CR1L: variants seen among roughly 807,000 people sequenced by gnomAD.
The protein encoded by CR1L is complement component receptor 1-like protein.
In CR1L, 59 loss-of-function variants were observed where a neutral mutation model predicts 62.3. That is an observed-to-expected ratio of 0.95 (90% CI 0.77 to 1.18). The LOEUF (loss-of-function observed/expected upper bound fraction) is 1.18, where lower values mean the gene tolerates loss of function less well. Ranked by LOEUF, CR1L falls within the 50% of genes most tolerant of loss-of-function variation. CR1L has a pLI of 0.00. For synonymous variants in CR1L, 279 were observed against 248.7 expected (o/e 1.12, Z -1.15); for missense variants, 700 against 702.8 (o/e 1.00, Z 0.04).
chr1:207,678,427 G>T, intron 3 of CR1L, 130 bp downstream of exon 3: 1 of 754,224 alleles, frequency 1.3e-6, no homozygotes, highest in Non-Finnish European at 2.2e-6. Context: ...TTCAACACAG[G>T]TGCTTAGCTC....
At chr1:207,686,735 C>T (rs191436595) in intron 4 of CR1L, among the ~76,000 whole-genome samples, 13 of 152,190 alleles carry the variant, frequency 8.5e-5, no homozygotes, top group Non-Finnish European at 1.6e-4. Flanking sequence ...TTGTATATTA[C>T]GGTCTGAATG....
rs753581044 is a variant in CR1L at position 207,723,670 on chromosome 1, A to G, written c.1695A>G (p.Glu565=). ...VGKFYEVFAE[E]FCHL Reference sequence around the variant, plus strand: ...AGTTTTATGAAGTGTTTGCTGAGGAATTCTGTCATCTTTAACAGTAAGTAC... The same window carrying G: ...AGTTTTATGAAGTGTTTGCTGAGGAGTTCTGTCATCTTTAACAGTAAGTAC... The change falls in exon 12 of 12, where the codon GAA becomes GAG. Residue 565 remains glutamate, a synonymous_variant. Transcript: ENST00000508064. 6.3e-7 allele frequency: 1 copy of G among 1,591,402 alleles called. No homozygotes were observed. The highest frequency in any genetic ancestry group is 8.6e-7 in the Non-Finnish European group (1 of 1,166,284).
At chr1:207,721,283 C>T (rs1654131714) in intron 11 of CR1L, among the ~76,000 whole-genome samples, 1 of 151,774 alleles carries the variant, frequency 6.6e-6, no homozygotes, top group Admixed American at 6.6e-5. Context: ...TGCTGGTGTG[C>T]TGCAACCACT....
At chr1:207,674,615 C>A (rs1289437208) in intron 1 of CR1L, among the ~76,000 whole-genome samples, 2 of 152,150 alleles carry the variant, frequency 1.3e-5, no homozygotes, top group African/African-American at 4.8e-5. Context: ...GAACTTCTTT[C>A]TTTCCAAGAA....
At chr1:207,648,202 C>CACACACAG (rs1331518112) in intron 1 of CR1L, among the ~76,000 whole-genome samples, 2 of 37,466 alleles carry the variant, frequency 5.3e-5, no homozygotes, top group Admixed American at 2.4e-4. Flanking sequence ...CACACACACA[C>CACACACAG]ACAGACACAC....
At chr1:207,678,561 G>A (rs1457268864) in intron 3 of CR1L, among the ~76,000 whole-genome samples, 3 of 152,168 alleles carry the variant, frequency 2.0e-5, no homozygotes, top group Non-Finnish European at 4.4e-5. Context: ...AGAAAATGGG[G>A]GAAGAGTATA....
chr1:207,651,087 G>C (rs919036340), intron 1 of CR1L, among the ~76,000 whole-genome samples: 6 of 152,146 alleles, frequency 3.9e-5, no homozygotes, highest in Non-Finnish European at 8.8e-5. Context: ...ACCCGGCCCA[G>C]TGTAGATAAT....
At chr1:207,685,547 G>A (rs1310722680) in intron 4 of CR1L, among the ~76,000 whole-genome samples, 1 of 152,162 alleles carries the variant, frequency 6.6e-6, no homozygotes, top group Non-Finnish European at 1.5e-5. Flanking sequence ...TCTGATTGCT[G>A]TTTCAGTTCT....
At chr1:207,665,640 G>A (rs574986939) in intron 1 of CR1L, among the ~76,000 whole-genome samples, 7 of 152,086 alleles carry the variant, frequency 4.6e-5, no homozygotes, top group African/African-American at 7.2e-5. Flanking sequence ...TGATCCACCC[G>A]CCTCAGCCTC....
At chr1:207,671,183 G>A (rs1663610347) in intron 1 of CR1L, among the ~76,000 whole-genome samples, 1 of 150,832 alleles carries the variant, frequency 6.6e-6, no homozygotes, top group South Asian at 2.1e-4. Context: ...TCTGAGAGAG[G>A]TATTTTGAAA....
intron 1 of CR1L, among the ~76,000 whole-genome samples, chr1:207,674,875 T>G (rs2102456162): frequency 6.6e-6 from 1 of 152,158 alleles, no homozygotes; most frequent in Non-Finnish European, 1.5e-5. Flanking sequence ...TTTTTTTTTT[T>G]ATACAGTGGT....
intron 11 of CR1L, among the ~76,000 whole-genome samples, chr1:207,720,328 G>A (rs951904758): frequency 2.6e-5 from 4 of 151,362 alleles, no homozygotes; most frequent in East Asian, 1.9e-4. Context: ...AGAGACTATC[G>A]AAACAGAAAA....
intron 1 of CR1L, chr1:207,657,505 C>T (rs1663335554): frequency 4.9e-6 from 2 of 410,022 alleles, no homozygotes; most frequent in Admixed American, 8.2e-5. Context: ...ATTTTTCACC[C>T]CCACATGTTC....
chr1:207,678,928 C>G (rs143239272), intron 3 of CR1L, among the ~76,000 whole-genome samples: 2 of 151,926 alleles, frequency 1.3e-5, no homozygotes, highest in South Asian at 4.1e-4. Flanking sequence ...CCTCACATGG[C>G]TGTCTTCCCT....
At chr1:207,689,881 C>T (rs1238865430) in intron 4 of CR1L, among the ~76,000 whole-genome samples, 1 of 151,876 alleles carries the variant, frequency 6.6e-6, no homozygotes, top group Admixed American at 6.6e-5. Flanking sequence ...TTTAAATTTT[C>T]TAGGTTATTA....
chr1:207,669,289 A>T, intron 1 of CR1L: 1 of 557,894 alleles, frequency 1.8e-6, no homozygotes, highest in Non-Finnish European at 3.2e-6. Context: ...CATGAAGGGG[A>T]AGCTGGTCAA....
intron 1 of CR1L, among the ~76,000 whole-genome samples, chr1:207,651,767 G>C (rs571148917): frequency 2.6e-5 from 4 of 152,188 alleles, no homozygotes; most frequent in Non-Finnish European, 5.9e-5. Context: ...ACCTCAGGGA[G>C]CTTCTGAGAG....
intron 5 of CR1L, among the ~76,000 whole-genome samples, chr1:207,695,162 G>A (rs182564049): frequency 6.6e-6 from 1 of 152,102 alleles, no homozygotes; most frequent in Non-Finnish European, 1.5e-5. Flanking sequence ...GTCTTGATCT[G>A]TCACTCAAGT....
intron 5 of CR1L, among the ~76,000 whole-genome samples, chr1:207,695,617 G>T (rs562493165): frequency 9.2e-5 from 14 of 152,300 alleles, no homozygotes; most frequent in South Asian, 6.2e-4. Flanking sequence ...CATGCAGGCT[G>T]TATTAGACTC....
Sources: allele counts gnomAD v4.1 joint callset (sites outside exome capture counted in the v4.1 genomes callset), GRCh38; gene constraint gnomAD v4.1.1; transcripts MANE v1.5; gene names NCBI Gene and HGNC (gene_info 2026-07-23, HGNC 2026-07-21).